CRB1: variants seen among roughly 807,000 people sequenced by gnomAD.
CRB1 encodes crumbs cell polarity complex component 1.
In CRB1, 83 loss-of-function variants were observed where a neutral mutation model predicts 120.0. The observed-to-expected ratio is 0.69, with a 90% CI of 0.58 to 0.83. The LOEUF (loss-of-function observed/expected upper bound fraction) is 0.83, where lower values mean the gene tolerates loss of function less well. Among genes scored for constraint, CRB1 ranks in the 40% least tolerant of loss-of-function variants. CRB1 has a pLI of 0.00. For missense variants in CRB1, 1,699 were observed against 1,687.6 expected, an observed-to-expected ratio of 1.01 and a Z score of -0.12; for synonymous variants, 625 against 612.5, an observed-to-expected ratio of 1.02 and a Z score of -0.30.
intron 5 of CRB1, among the ~76,000 whole-genome samples, chr1:197,399,105 A>G (rs1025645488): frequency 3.9e-5 from 6 of 152,078 alleles, no homozygotes; most frequent in Non-Finnish European, 7.4e-5. Context: ...CCATGAAATG[A>G]TTCAGATGCC....
rs1330886467 is a variant in CRB1, at chr1:197,328,581, A to G, written c.230A>G (p.Asn77Ser). The change falls in exon 2 of 12, where the codon AAT becomes AGT. Residue 77 changes from asparagine (N) to serine (S), a missense_variant. Coordinates refer to ENST00000367400, the MANE Select transcript of CRB1 (RefSeq NM_201253.3). ...AACATGAAAGACCCTTGCTTCTCCA[A>G]TCCCTGTCAAGGAAGTGCCACTTGT... ...CDNMKDPCFS[N>S]PCQGSATCVN... 4.3e-6 allele frequency: 7 copies of G among 1,614,176 alleles called. No homozygotes were observed. Among genetic ancestry groups the G allele is most frequent in the East Asian group, 2.2e-5 (1 of 44,884 alleles).
At chr1:197,462,615 A>G (rs984885457) in intron 11 of CRB1, among the ~76,000 whole-genome samples, 1 of 152,144 alleles carries the variant, frequency 6.6e-6, no homozygotes, top group African/African-American at 2.4e-5. Context: ...CAAGGTATAA[A>G]TGCTACGGCA....
chr1:197,401,869 C>T (rs1480430102), intron 5 of CRB1, among the ~76,000 whole-genome samples: 1 of 151,892 alleles, frequency 6.6e-6, no homozygotes, highest in East Asian at 1.9e-4. Context: ...CTTTTATATT[C>T]AAAATGTTTT....
chr1:197,385,767 A>G (rs1304205352), intron 5 of CRB1, among the ~76,000 whole-genome samples: 1 of 152,050 alleles, frequency 6.6e-6, no homozygotes, highest in Non-Finnish European at 1.5e-5. Context: ...TAGAGCTGAC[A>G]TTCATAATAA....
At chr1:197,354,400 C>G (rs1660307792) in intron 4 of CRB1, among the ~76,000 whole-genome samples, 2 of 152,120 alleles carry the variant, frequency 1.3e-5, no homozygotes, top group African/African-American at 4.8e-5. Context: ...GCCACAGACC[C>G]TCGCAGTGAG....
At chr1:197,429,108 A>G in intron 7 of CRB1, 4 of 1,525,142 alleles carry the variant, frequency 2.6e-6, no homozygotes, top group Non-Finnish European at 3.5e-6. Context: ...TAAAACCAGG[A>G]GTAAGAATCC....
chr1:197,251,309 G>T, the CRB1 span, among the ~76,000 whole-genome samples: 1 of 152,030 alleles, frequency 6.6e-6, no homozygotes, highest in East Asian at 1.9e-4. Flanking sequence ...AAGTGTTTTG[G>T]TTGTTGTTGT....
chr1:197,240,621 G>A, the CRB1 span, among the ~76,000 whole-genome samples: 11 of 152,232 alleles, frequency 7.2e-5, no homozygotes, highest in African/African-American at 2.2e-4. Flanking sequence ...TCATTGATGC[G>A]CATTTGGTTT....
chr1:197,330,229 A>C (rs1450583324), intron 2 of CRB1, among the ~76,000 whole-genome samples: 2 of 152,138 alleles, frequency 1.3e-5, no homozygotes, highest in Admixed American at 1.3e-4. Flanking sequence ...ATATGTTCCA[A>C]ATTGAGCTCA....
the CRB1 span, among the ~76,000 whole-genome samples, chr1:197,259,169 C>A: frequency 2.6e-5 from 4 of 152,194 alleles, no homozygotes; most frequent in Non-Finnish European, 5.9e-5. Context: ...CCAGCAATCC[C>A]ATTACTGGGT....
At chr1:197,293,131 T>A (rs1459774343) in intron 1 of CRB1, among the ~76,000 whole-genome samples, 1 of 152,182 alleles carries the variant, frequency 6.6e-6, no homozygotes, top group African/African-American at 2.4e-5. Context: ...TGTCCCTGTT[T>A]GCAGATGATA....
In CRB1 at chr1:197,344,288, CTG is replaced by C. The variant is rs778731851; in HGVS notation, c.663_664del (p.Cys221Ter). The stretch of plus-strand genomic sequence containing the variant: ...TGCTGACTTTTTTAAAAGGTGTAAA[CTG>C]TGAATTGGAAATTGACGAATGTTGG... ...ICPHNYSGVN[C>X]ELEIDECWSQ... is the part of the protein sequence containing the mutation. On this transcript the variant is annotated frameshift_variant, in exon 3 of 12. Transcript: ENST00000367400. LOFTEE classifies it high-confidence loss of function. 13 of 1,614,008 alleles carry C rather than the reference CTG, an allele frequency of 8.1e-6. No homozygotes were observed. The highest frequency in any genetic ancestry group is 9.3e-6 in the Non-Finnish European group (11 of 1,180,008).
chr1:197,271,283 T>C (rs1424526376), intron 1 of CRB1, among the ~76,000 whole-genome samples: 2 of 152,214 alleles, frequency 1.3e-5, no homozygotes, highest in Non-Finnish European at 2.9e-5. Context: ...CTTCGAACTT[T>C]GAAATATGTT....
intron 1 of CRB1, among the ~76,000 whole-genome samples, chr1:197,273,551 G>A (rs573433910): frequency 3.9e-5 from 6 of 152,166 alleles, no homozygotes; most frequent in South Asian, 4.1e-4. Context: ...TAAATTATTC[G>A]AAATTCTTCT....
At chr1:197,268,908 G>C (rs1156746458) in intron 1 of CRB1, among the ~76,000 whole-genome samples, 1 of 152,098 alleles carries the variant, frequency 6.6e-6, no homozygotes, top group Non-Finnish European at 1.5e-5. Flanking sequence ...AAATAACTCT[G>C]TGTTGCAACA....
the CRB1 span, among the ~76,000 whole-genome samples, chr1:197,206,511 C>T: frequency 2.6e-5 from 4 of 151,940 alleles, no homozygotes; most frequent in Non-Finnish European, 5.9e-5. Flanking sequence ...CATTGTTGAC[C>T]CAATGATCAT....
At chr1:197,363,927 G>A in intron 5 of CRB1, 1 of 1,296,054 alleles carries the variant, frequency 7.7e-7, no homozygotes, top group Non-Finnish European at 1.1e-6. Context: ...GGCTCACTGA[G>A]GACATTAAGC....
At chr1:197,285,336 G>C (rs938247127) in intron 1 of CRB1, among the ~76,000 whole-genome samples, 4 of 151,814 alleles carry the variant, frequency 2.6e-5, no homozygotes, top group Admixed American at 1.3e-4. Context: ...AGAAATAAGG[G>C]ATAAGAGAAT....
At chr1:197,252,176 G>A in the CRB1 span, among the ~76,000 whole-genome samples, 1 of 151,802 alleles carries the variant, frequency 6.6e-6, no homozygotes, top group Non-Finnish European at 1.5e-5. Context: ...TAGATAATAT[G>A]TATACAAATG....
Sources: gnomAD v4.1 joint callset for allele counts (sites outside exome capture counted in the v4.1 genomes callset) on GRCh38, gnomAD v4.1.1 for gene constraint, MANE v1.5 for transcripts, NCBI Gene and HGNC (gene_info 2026-07-23, HGNC 2026-07-21) for gene names.